The following TMEM255B variants were observed in gnomAD, a reference collection of about 807,000 sequenced individuals.
TMEM255B encodes family with sequence similarity 70, member B.
TMEM255B carries 35 observed loss-of-function variants against 34.5 expected under a neutral mutation model. The observed-to-expected ratio is 1.01, with a 90% CI of 0.77 to 1.34. TMEM255B has a LOEUF of 1.34. TMEM255B is among the 40% of genes most tolerant of loss of function. The pLI is 0.00. For synonymous variants in TMEM255B, 206 were observed against 201.2 expected (o/e 1.02, Z -0.20); for missense variants, 432 against 433.2 (o/e 1.00, Z 0.02).
Position 113,799,291 on chromosome 13 carries a change from G to A in TMEM255B, c.343-48G>A, listed in dbSNP as rs552396286. On this transcript the variant is annotated intron_variant, in intron 4 of 8. Coordinates refer to ENST00000375353, the MANE Select transcript of TMEM255B (RefSeq NM_182614.4). ...CCTGAAATTGCCTCTGGCCTCTCCC[G>A]CCTGGAGGCACCTGTTTTATTCCAT... 3.4e-5 allele frequency: 55 copies of A among 1,596,428 alleles called. No individual in the cohort carries two copies. The South Asian group carries it at 4.6e-4, about 13-fold the overall frequency.
Position 113,795,179 on chromosome 13 carries a change from G to A in TMEM255B, c.284G>A (p.Gly95Asp). ...LVAAIVFISF[G>D]VVAAFCCAIV... is the part of the protein sequence containing the mutation. ...GCAGCGATCGTGTTTATCAGTTTTGGCGTGGTGGCCGCCTTCTGCTGCGCC... is the reference window on the plus strand; with the variant it reads ...GCAGCGATCGTGTTTATCAGTTTTGACGTGGTGGCCGCCTTCTGCTGCGCC... The change falls in exon 4 of 9, where the codon GGC (glycine) becomes GAC (aspartate). Residue 95 changes from glycine to aspartate, a missense_variant. Physicochemically the swap from Gly to Asp is moderately conservative, Grantham distance 94. Coordinates refer to ENST00000375353, the MANE Select transcript of TMEM255B (RefSeq NM_182614.4). 1 of 1,613,990 alleles carries A rather than the reference G, an allele frequency of 6.2e-7. No homozygotes were observed.
intron 3 of TMEM255B, among the ~76,000 whole-genome samples, chr13:113,791,089 T>C (rs2050825667): frequency 6.6e-6 from 1 of 152,226 alleles, no homozygotes; most frequent in Non-Finnish European, 1.5e-5. Flanking sequence ...GCTTCTGTGA[T>C]GTTTTGGGTG....
intron 8 of TMEM255B, 125 bp from the exon 9 acceptor site, chr13:113,811,611 G>GGGGGCCCTGTGTGA (rs550870355): frequency 0.031 from 32,153 of 1,032,948 alleles, 1,261 homozygotes; most frequent in African/African-American, 0.09. Flanking sequence ...TGAGTCTGCG[G>GGGGGCCCTGTGTGA]GTGGCCCTGG....
Position 113,769,438 on chromosome 13 carries a change from A to G in TMEM255B, c.252+278A>G, listed in dbSNP as rs1323120256. On this transcript the variant is annotated intron_variant, in intron 3 of 8. Transcript: ENST00000375353. The surrounding 1 kb of genome is among the most constrained non-coding windows in gnomAD (Gnocchi z 4.2). Reference sequence around the variant, plus strand: ...ATGCTGAGGCCTGGGAAGCTCAGAGAATGCATGAAGTTTGGGACGGGGGTG... The same window carrying G: ...ATGCTGAGGCCTGGGAAGCTCAGAGGATGCATGAAGTTTGGGACGGGGGTG... Among the ~76,000 whole-genome samples, 1 of 152,234 alleles carries G rather than the reference A, an allele frequency of 6.6e-6. No homozygotes were observed. The highest frequency in any genetic ancestry group is 6.5e-5 in the Admixed American group (1 of 15,286).
intron 3 of TMEM255B, among the ~76,000 whole-genome samples, chr13:113,781,112 T>G (rs1163588365): frequency 6.6e-6 from 1 of 152,186 alleles, no homozygotes; most frequent in African/African-American, 2.4e-5. Context: ...TAATAAAACT[T>G]TATAGACATA....
rs993457618 is a variant in TMEM255B, at chr13:113,800,054, G to A, written c.423+635G>A. On this transcript the variant is annotated intron_variant, in intron 5 of 8. Transcript: ENST00000375353. ...TGTCTGGGACTCTCCAGCAGCTGCC[G>A]GGAGGCATCGTGTGTGTGTGTGTGT... 1.6e-5 allele frequency: 19 copies of A among 1,205,510 alleles called. No individual in the cohort carries two copies. The South Asian group carries it at 1.9e-4, about 12-fold the overall frequency. The allele number at this position is 1,205,510 out of a possible 1,614,324, so 74.7% of individuals were successfully genotyped here. A position where few individuals can be genotyped will look rare whatever the true frequency, so the allele number is the denominator to read the frequency against.
intron 7 of TMEM255B, among the ~76,000 whole-genome samples, chr13:113,802,787 C>G (rs1408605011): frequency 6.7e-6 from 1 of 148,508 alleles, no homozygotes; most frequent in Non-Finnish European, 1.5e-5. Flanking sequence ...AGGTCCAGCC[C>G]TCTGGCTCCC....
rs2050460236 is a variant in TMEM255B, at chr13:113,770,488, G to T, written c.252+1328G>T. ...CCTTGGGCAGATGGAGCCTGACCGT[G>T]TGAGGGTGGGAGGTCCCTGGAGGGT... On this transcript the variant is annotated intron_variant, in intron 3 of 8. Transcript: ENST00000375353. This position sits in a 1 kb window ranked among gnomAD's most constrained non-coding sequence, Gnocchi z 4.6. 2.0e-5 allele frequency among the ~76,000 whole-genome samples: 3 copies of T among 152,228 alleles called. No homozygotes were observed. Among genetic ancestry groups the T allele is most frequent in the African/African-American group, 7.2e-5 (3 of 41,460 alleles).
chr13:113,764,798 C>A (rs901340979), intron 1 of TMEM255B, among the ~76,000 whole-genome samples: 2 of 152,146 alleles, frequency 1.3e-5, no homozygotes, highest in Non-Finnish European at 2.9e-5. Context: ...GTAAGAGAGG[C>A]CTTCAGGGAG....
intron 4 of TMEM255B, among the ~76,000 whole-genome samples, chr13:113,797,234 G>A (rs773927718): frequency 5.9e-5 from 9 of 152,376 alleles, no homozygotes; most frequent in Non-Finnish European, 1.0e-4. Flanking sequence ...GCCCCTGGCC[G>A]GGGCCTCCCA....
intron 5 of TMEM255B, chr13:113,799,845 C>A (rs184774420): frequency 1.3e-4 from 88 of 690,672 alleles, no homozygotes; most frequent in Middle Eastern, 5.2e-4. Flanking sequence ...AGTAATGACC[C>A]GCGGGCGGCC....
At chr13:113,794,331 G>A (rs1296283067) in intron 3 of TMEM255B, among the ~76,000 whole-genome samples, 1 of 152,082 alleles carries the variant, frequency 6.6e-6, no homozygotes, top group Non-Finnish European at 1.5e-5. Context: ...GGCTTCCCCT[G>A]TCCCTGTGTA....
At chr13:113,810,166 C>T (rs573322336) in intron 8 of TMEM255B, among the ~76,000 whole-genome samples, 6 of 152,220 alleles carry the variant, frequency 3.9e-5, no homozygotes, top group African/African-American at 1.4e-4. Context: ...GGATGCTGAA[C>T]ACGCAGGCTC....
At chr13:113,768,368 C>A in intron 2 of TMEM255B, 1 of 408,548 alleles carries the variant, frequency 2.4e-6, no homozygotes, top group Non-Finnish European at 5.2e-6. Flanking sequence ...GGTGCGGATG[C>A]CCGGCCGGTG....
intron 1 of TMEM255B, chr13:113,761,085 G>A (rs925735045): frequency 1.4e-6 from 1 of 694,582 alleles, no homozygotes; most frequent in Non-Finnish European, 1.8e-6. Context: ...CAGGACGAAA[G>A]AGGAATTGAC....
chr13:113,787,538 C>T (rs1316743074), intron 3 of TMEM255B, among the ~76,000 whole-genome samples: 1 of 151,994 alleles, frequency 6.6e-6, no homozygotes, highest in Non-Finnish European at 1.5e-5. Flanking sequence ...AGGGTGTAGA[C>T]AGTGGCGACC....
chr13:113,814,503 A>G lies in TMEM255B; in HGVS notation c.*2600A>G, dbSNP rs551431426. On this transcript the variant is annotated 3_prime_UTR_variant, in exon 9 of 9. Transcript: ENST00000375353. ...AATGTCCTTATCCTTTATCCCAGCCACAAAGAATGTGAACAATTTGACTCA... is the reference window on the plus strand; with the variant it reads ...AATGTCCTTATCCTTTATCCCAGCCGCAAAGAATGTGAACAATTTGACTCA... 1 of 152,370 alleles carries G rather than the reference A, an allele frequency of 6.6e-6. No homozygotes were observed. The highest frequency in any genetic ancestry group is 1.5e-5 in the Non-Finnish European group (1 of 68,044). The allele number at this position is 152,370 out of a possible 1,614,324, so 9.4% of individuals were successfully genotyped here.
At position 113,795,735 on chromosome 13, in the gene TMEM255B, CACAGAGCACACAGCACACACACA is replaced by C. The variant is rs1156768613; in HGVS notation, c.342+544_342+566del. On this transcript the variant is annotated intron_variant, in intron 4 of 8. Coordinates refer to ENST00000375353, the MANE Select transcript of TMEM255B (RefSeq NM_182614.4). ...AGCACATAGCACACACCACACAACA[CACAGAGCACACAGCACACACACA>C]ACAGAGCACACAGCACACACACAAC... Among the ~76,000 whole-genome samples, 218 of 140,680 alleles carry C rather than the reference CACAGAGCACACAGCACACACACA, an allele frequency of 1.5e-3. 1 individual carries two copies. Among genetic ancestry groups the C allele is most frequent in the African/African-American group, 5.2e-3 (189 of 36,692 alleles). 92.3% of individuals were successfully genotyped at this position (140,680 alleles called of 152,430 possible).
chr13:113,793,383 A>G (rs1286483912), intron 3 of TMEM255B, among the ~76,000 whole-genome samples: 3 of 108,838 alleles, frequency 2.8e-5, no homozygotes, highest in African/African-American at 1.1e-4. Flanking sequence ...TCTGCTGTGG[A>G]GGAAAGTTGC....
Sources: gnomAD v4.1 joint callset for allele counts (sites outside exome capture counted in the v4.1 genomes callset) on GRCh38, gnomAD v4.1.1 for gene constraint, Gnocchi (gnomAD v3.1) non-coding constraint, MANE v1.5 for transcripts, NCBI Gene and HGNC (gene_info 2026-07-23, HGNC 2026-07-21) for gene names.